SORCS1: variants seen among roughly 807,000 people sequenced by gnomAD.
SORCS1 encodes VPS10 domain-containing receptor SorCS1.
In SORCS1, 60 loss-of-function variants were observed where a neutral mutation model predicts 146.1. The ratio of observed to expected loss-of-function variants is 0.41; its 90% CI spans 0.33 to 0.51. The LOEUF is 0.51. Among genes scored for constraint, SORCS1 ranks in the 20% least tolerant of loss-of-function variants. The pLI, the probability that SORCS1 is intolerant of heterozygous loss-of-function variation, is 0.21. For missense variants in SORCS1, 1,352 were observed against 1,487.6 expected, an observed-to-expected ratio of 0.91 and a Z score of 1.50; for synonymous variants, 637 against 584.0, an observed-to-expected ratio of 1.09 and a Z score of -1.31.
In SORCS1 at chr10:106,761,664, G is replaced by A. The variant is rs1349181907; in HGVS notation, c.886-3C>T. On this transcript the variant is annotated splice_polypyrimidine_tract_variant and splice_region_variant and intron_variant, in intron 4 of 25. Coordinates refer to ENST00000263054, the MANE Select transcript of SORCS1 (RefSeq NM_052918.5). ...CCAAATTCAGCAGAGCTGTATAACTGTAAAGAACAGAAATTACTCAGCACT... is the reference window on the plus strand; with the variant it reads ...CCAAATTCAGCAGAGCTGTATAACTATAAAGAACAGAAATTACTCAGCACT... 1 of 1,613,714 alleles carries A rather than the reference G, an allele frequency of 6.2e-7. No individual in the cohort carries two copies. The highest frequency in any genetic ancestry group is 8.5e-7 in the Non-Finnish European group (1 of 1,179,802).
At chr10:106,798,114 G>A (rs752525541) in intron 3 of SORCS1, among the ~76,000 whole-genome samples, 4 of 152,078 alleles carry the variant, frequency 2.6e-5, no homozygotes, top group Non-Finnish European at 2.9e-5. Context: ...TTGTGATAGC[G>A]AATAAGTCTC....
At chr10:106,736,055 A>G (rs1856923322) in intron 5 of SORCS1, among the ~76,000 whole-genome samples, 1 of 152,186 alleles carries the variant, frequency 6.6e-6, no homozygotes, top group Non-Finnish European at 1.5e-5. Context: ...AAAACAAATC[A>G]CACTCTGAAA....
intron 1 of SORCS1, among the ~76,000 whole-genome samples, chr10:106,990,436 T>C (rs1432283580): frequency 2.0e-5 from 3 of 152,000 alleles, no homozygotes; most frequent in Non-Finnish European, 2.9e-5. Context: ...CACCTGGCTA[T>C]TTTTTGTATT....
At chr10:106,750,235 G>T (rs1433651828) in intron 5 of SORCS1, among the ~76,000 whole-genome samples, 3 of 152,086 alleles carry the variant, frequency 2.0e-5, no homozygotes, top group Non-Finnish European at 4.4e-5. Context: ...TCTTAGTGAA[G>T]TCTCGAGAAG....
chr10:107,098,828 T>A (rs1043412553), intron 1 of SORCS1, among the ~76,000 whole-genome samples: 3 of 152,176 alleles, frequency 2.0e-5, no homozygotes, highest in African/African-American at 7.2e-5. Context: ...ATATTAATAT[T>A]CCCATTTTAA....
intron 3 of SORCS1, among the ~76,000 whole-genome samples, chr10:106,780,151 A>C (rs1478234400): frequency 6.6e-6 from 1 of 152,244 alleles, no homozygotes; most frequent in Non-Finnish European, 1.5e-5. Context: ...CAGTCTTTAG[A>C]CATAGATGAT....
chr10:106,816,757 T>A (rs1255200680), intron 3 of SORCS1, among the ~76,000 whole-genome samples: 2 of 152,038 alleles, frequency 1.3e-5, no homozygotes, highest in Non-Finnish European at 2.9e-5. Context: ...TTGAAAAAAA[T>A]AATAATAATA....
chr10:106,941,684 G>C (rs1954048941), intron 2 of SORCS1, among the ~76,000 whole-genome samples: 1 of 152,202 alleles, frequency 6.6e-6, no homozygotes, highest in Non-Finnish European at 1.5e-5. Flanking sequence ...TTAGACTCCA[G>C]AAAACCAAAC....
At chr10:106,803,988 G>T (rs1947038316) in intron 3 of SORCS1, among the ~76,000 whole-genome samples, 1 of 152,140 alleles carries the variant, frequency 6.6e-6, no homozygotes, top group Admixed American at 6.6e-5. Flanking sequence ...TAAATTCCAG[G>T]AGACTATGGG....
chr10:106,908,936 AT>A (rs199709203), intron 2 of SORCS1, among the ~76,000 whole-genome samples: 6 of 151,462 alleles, frequency 4.0e-5, no homozygotes, highest in South Asian at 2.1e-4. Context: ...TTACTCCATT[AT>A]TTTTTTTTAT....
intron 2 of SORCS1, among the ~76,000 whole-genome samples, chr10:106,888,903 C>A (rs1356208903): frequency 2.0e-5 from 3 of 152,132 alleles, no homozygotes; most frequent in Non-Finnish European, 4.4e-5. Flanking sequence ...GTGAAAGCAT[C>A]TGTAAAATTT....
At chr10:107,075,974 T>C (rs991930697) in intron 1 of SORCS1, among the ~76,000 whole-genome samples, 3 of 152,068 alleles carry the variant, frequency 2.0e-5, no homozygotes, top group Non-Finnish European at 4.4e-5. Flanking sequence ...AACAAAACTT[T>C]ATTATTTCAA....
chr10:106,790,885 G>C (rs1946285548), intron 3 of SORCS1, among the ~76,000 whole-genome samples: 1 of 152,086 alleles, frequency 6.6e-6, no homozygotes, highest in Admixed American at 6.6e-5. Flanking sequence ...TAGGTATTGT[G>C]TTCACATATG....
chr10:106,976,791 G>T (rs1956045914), intron 1 of SORCS1, among the ~76,000 whole-genome samples: 1 of 152,144 alleles, frequency 6.6e-6, no homozygotes, highest in African/African-American at 2.4e-5. Flanking sequence ...AGAACATGTG[G>T]TGTTTGGTTT....
intron 1 of SORCS1, among the ~76,000 whole-genome samples, chr10:106,984,740 G>C (rs1433726060): frequency 2.6e-5 from 4 of 152,004 alleles, no homozygotes; most frequent in Non-Finnish European, 5.9e-5. Context: ...CATTCATGTG[G>C]TAGTAAAGAG....
At chr10:107,089,270 A>T (rs1712179435) in intron 1 of SORCS1, among the ~76,000 whole-genome samples, 1 of 152,366 alleles carries the variant, frequency 6.6e-6, no homozygotes, top group African/African-American at 2.4e-5. Flanking sequence ...AAATATTAAT[A>T]GTAAAGCTCA....
chr10:107,035,380 G>T, intron 1 of SORCS1, among the ~76,000 whole-genome samples: 1 of 151,808 alleles, frequency 6.6e-6, no homozygotes, highest in East Asian at 1.9e-4. Context: ...TCAAGAATGT[G>T]ACTTCCCATT....
chr10:107,141,210 G>C (rs1183300455), intron 1 of SORCS1, among the ~76,000 whole-genome samples: 2 of 152,182 alleles, frequency 1.3e-5, no homozygotes, highest in Non-Finnish European at 2.9e-5. Flanking sequence ...GTGCACTCAA[G>C]TAGAGTTCAT....
intron 2 of SORCS1, among the ~76,000 whole-genome samples, chr10:106,939,621 C>T (rs1361294463): frequency 6.6e-6 from 1 of 152,098 alleles, no homozygotes; most frequent in Non-Finnish European, 1.5e-5. Flanking sequence ...TTGTTTGAAG[C>T]CAATAAACCA....
Sources: allele counts gnomAD v4.1 joint callset (sites outside exome capture counted in the v4.1 genomes callset), GRCh38; gene constraint gnomAD v4.1.1; transcripts MANE v1.5; gene names NCBI Gene and HGNC (gene_info 2026-07-23, HGNC 2026-07-21).